Variants in SENP6 observed in about 807,000 individuals in gnomAD.
SENP6 encodes the protein SUMO specific peptidase 6.
In SENP6, 41 loss-of-function variants were observed where a neutral mutation model predicts 134.5. That is an observed-to-expected ratio of 0.30 (90% CI 0.24 to 0.40). SENP6 has a LOEUF of 0.40. Among genes scored for constraint, SENP6 ranks in the 10% least tolerant of loss-of-function variants. The pLI, the probability that SENP6 is intolerant of heterozygous loss-of-function variation, is 1.00. For synonymous variants in SENP6, 395 were observed against 429.8 expected (o/e 0.92, Z 1.00); for missense variants, 1,248 against 1,312.5 (o/e 0.95, Z 0.76).
At chr6:75,693,428 A>C (rs867809724) in intron 16 of SENP6, among the ~76,000 whole-genome samples, 10 of 151,646 alleles carry the variant, frequency 6.6e-5, no homozygotes, top group African/African-American at 2.2e-4. Flanking sequence ...AAAAAAAAAA[A>C]ACACCAAAGT....
At chr6:75,633,038 T>C (rs569039806) in intron 3 of SENP6, among the ~76,000 whole-genome samples, 4 of 152,202 alleles carry the variant, frequency 2.6e-5, no homozygotes. Context: ...TCTTTACAAA[T>C]TTATTTTGCT....
At chr6:75,642,556 T>TA (rs1770108621) in intron 6 of SENP6, among the ~76,000 whole-genome samples, 1 of 152,118 alleles carries the variant, frequency 6.6e-6, no homozygotes, top group African/African-American at 2.4e-5. Flanking sequence ...GGCTGGAGCT[T>TA]AGAGAGGAAA....
At chr6:75,704,949 A>G (rs930436271) in intron 19 of SENP6, among the ~76,000 whole-genome samples, 22 of 152,198 alleles carry the variant, frequency 1.4e-4, no homozygotes, top group African/African-American at 5.3e-4. Context: ...GTTTGGGGCA[A>G]AGAGGTTAGG....
In SENP6 at chr6:75,713,730, G is replaced by C; in HGVS notation, c.3034G>C (p.Asp1012His). ...AGGAAGCAAAAGAAGTTTTTCCAAA[G>C]ATGTTATGAAGGGCTCTAATCCAAA... ...KKGSKRSFSK[D>H]VMKGSNPKVP... is the part of the protein sequence containing the mutation. The change falls in exon 23 of 24, where the codon GAT becomes CAT. Residue 1012 changes from aspartate (D) to histidine (H), a missense_variant. Physicochemically the swap from Asp to His is moderately conservative, Grantham distance 81 (BLOSUM62 -1). Around this residue, in one of 3 missense-constraint regions of SENP6, gnomAD observed 386 missense variants for 395.0 expected, o/e 0.98. Coordinates refer to ENST00000447266, the MANE Select transcript of SENP6 (RefSeq NM_015571.4). The C allele has an allele frequency of 1.2e-5, 19 of 1,613,348 alleles. No individual in the cohort carries two copies. The highest frequency in any genetic ancestry group is 1.5e-5 in the Non-Finnish European group (18 of 1,179,536).
chr6:75,626,579 C>T (rs761252292), intron 3 of SENP6, among the ~76,000 whole-genome samples: 8 of 152,066 alleles, frequency 5.3e-5, no homozygotes, highest in Non-Finnish European at 1.2e-4. Context: ...TTTGCTATTA[C>T]GTATAAGACT....
chr6:75,641,974 C>T (rs1035555336), intron 6 of SENP6, among the ~76,000 whole-genome samples: 5 of 151,990 alleles, frequency 3.3e-5, no homozygotes, highest in African/African-American at 4.8e-5. Flanking sequence ...TGTACATCAG[C>T]TGATGGATTA....
intron 14 of SENP6, 81 bp from the exon 15 acceptor site, chr6:75,678,502 G>A (rs1006774306): frequency 4.2e-6 from 3 of 711,156 alleles, no homozygotes; most frequent in Admixed American, 5.3e-5. Flanking sequence ...GCATTGAAAA[G>A]CATTCTTGCC....
intron 8 of SENP6, among the ~76,000 whole-genome samples, chr6:75,659,670 A>G (rs1052074431): frequency 6.6e-5 from 10 of 152,192 alleles, no homozygotes; most frequent in African/African-American, 2.4e-4. Context: ...TTTTCAAATA[A>G]TTTTAAGAAG....
chr6:75,622,878 T>C (rs1455706342), intron 2 of SENP6: 5 of 1,123,042 alleles, frequency 4.5e-6, no homozygotes, highest in Non-Finnish European at 1.2e-6. Flanking sequence ...TCATTTAAAG[T>C]CAGTATTTTA....
At chr6:75,621,352 AAC>A (rs1375710960) in intron 1 of SENP6, among the ~76,000 whole-genome samples, 178 bp from the exon 2 acceptor site, 1 of 152,242 alleles carries the variant, frequency 6.6e-6, no homozygotes, top group Non-Finnish European at 1.5e-5. Context: ...AATTAGTAAA[AAC>A]AGATTTTAAT....
rs768787916 is a variant in SENP6, at chr6:75,675,885, T to G, written c.1452T>G (p.Ile484Met). The change falls in exon 13 of 24, where the codon ATT becomes ATG. Residue 484 changes from isoleucine to methionine, a missense_variant. By Grantham distance (10) the Ile-to-Met change is conservative. This residue lies in a region of SENP6 where 733 missense variants were observed against 725.4 expected (regional missense o/e 1.01). Coordinates refer to ENST00000447266, the MANE Select transcript of SENP6 (RefSeq NM_015571.4). Reference protein sequence around the residue: ...LDEPDHDPVEIILNTSDLTKC... With the variant: ...LDEPDHDPVEMILNTSDLTKC... ...AACCAGACCATGATCCTGTAGAGAT[T>G]ATATTAAATACCTCTGATCTAACTA... The G allele has an allele frequency of 1.0e-5, 16 of 1,600,404 alleles. No homozygotes were observed. Among genetic ancestry groups the G allele is most frequent in the Admixed American group, 3.6e-5 (2 of 56,154 alleles).
chr6:75,649,582 A>G (rs1424343897), intron 7 of SENP6, among the ~76,000 whole-genome samples: 1 of 151,944 alleles, frequency 6.6e-6, no homozygotes, highest in Non-Finnish European at 1.5e-5. Context: ...CAGTGGTGTG[A>G]TCTCAGCTCA....
At chr6:75,705,492 T>C (rs2842571) in intron 19 of SENP6, among the ~76,000 whole-genome samples, 104,335 of 151,974 alleles carry the variant, frequency 0.69, 37,144 homozygotes, top group African/African-American at 0.88. Context: ...TGCAGTGAGC[T>C]GGGATCGCGC....
At chr6:75,651,150 G>A (rs1025098223) in intron 7 of SENP6, among the ~76,000 whole-genome samples, 3 of 151,952 alleles carry the variant, frequency 2.0e-5, no homozygotes, top group South Asian at 4.2e-4. Context: ...AATAACAACC[G>A]TTAAGATCTC....
chr6:75,625,309 T>G (rs1207188749), intron 3 of SENP6, among the ~76,000 whole-genome samples: 1 of 151,704 alleles, frequency 6.6e-6, no homozygotes, highest in Non-Finnish European at 1.5e-5. Context: ...GAGACCGGGT[T>G]TCACCATTTT....
At chr6:75,660,186 G>T (rs1488091153) in intron 8 of SENP6, among the ~76,000 whole-genome samples, 1 of 152,176 alleles carries the variant, frequency 6.6e-6, no homozygotes, top group East Asian at 1.9e-4. Context: ...TGTAAATGAT[G>T]TGTGTAGTTT....
intron 5 of SENP6, among the ~76,000 whole-genome samples, chr6:75,638,781 A>T (rs868782234): frequency 2.0e-5 from 3 of 151,492 alleles, no homozygotes; most frequent in South Asian, 2.1e-4. Context: ...CAGAGGCCGG[A>T]CATGGTTGAC....
At chr6:75,657,389 T>C (rs1391644348) in intron 7 of SENP6, among the ~76,000 whole-genome samples, 5 of 152,148 alleles carry the variant, frequency 3.3e-5, no homozygotes, top group African/African-American at 7.2e-5. Flanking sequence ...CTCTGTAACC[T>C]CAGATTTTAG....
intron 16 of SENP6, among the ~76,000 whole-genome samples, chr6:75,682,788 C>CGA (rs1226452041): frequency 1.3e-5 from 2 of 152,282 alleles, no homozygotes; most frequent in Admixed American, 1.3e-4. Flanking sequence ...GCCACATTTC[C>CGA]TTAATCCAGT....
Sources: allele counts gnomAD v4.1 joint callset (sites outside exome capture counted in the v4.1 genomes callset), GRCh38; gene constraint gnomAD v4.1.1; regional missense constraint gnomAD v4.1.1; transcripts MANE v1.5; gene names NCBI Gene and HGNC (gene_info 2026-07-23, HGNC 2026-07-21).